Variants in RIC1 observed in about 807,000 individuals in gnomAD.
RIC1 encodes the protein RIC1 partner of RAB6A GEF complex.
A neutral mutation model predicts 169.0 loss-of-function variants in RIC1; 88 were observed. The observed-to-expected ratio is 0.52, with a 90% CI of 0.44 to 0.62. The LOEUF (loss-of-function observed/expected upper bound fraction) is 0.62, where lower values mean the gene tolerates loss of function less well. Ranked by LOEUF, RIC1 falls within the 20% of genes least tolerant of loss-of-function variation. RIC1 has a pLI of 0.00. For synonymous variants in RIC1, 790 were observed against 601.5 expected, an observed-to-expected ratio of 1.31 and a Z score of -4.59; for missense variants, 1,877 against 1,725.5, an observed-to-expected ratio of 1.09 and a Z score of -1.56.
chr9:5,705,365 C>T (rs780286958), intron 3 of RIC1, among the ~76,000 whole-genome samples: 49 of 152,066 alleles, frequency 3.2e-4, no homozygotes, highest in Non-Finnish European at 5.9e-4. Context: ...ACAACTCTTA[C>T]TCATCCTTGG....
chr9:5,748,985 C>G (rs1461989121), intron 12 of RIC1, among the ~76,000 whole-genome samples: 2 of 152,220 alleles, frequency 1.3e-5, no homozygotes, highest in South Asian at 2.1e-4. Flanking sequence ...AATAATGCCA[C>G]ATTGATTGTT....
Position 5,713,941 on chromosome 9 carries a change from G to T in RIC1, c.378G>T (p.Gln126His), listed in dbSNP as rs139097075. ...MKGTPHFKEE[Q>H]CAPALNLEMR... Reference sequence around the variant, plus strand: ...GGACACCCCATTTTAAGGAAGAACAGTGTGCTCCAGCATTAAATTTGGAGA... The same window carrying T: ...GGACACCCCATTTTAAGGAAGAACATTGTGCTCCAGCATTAAATTTGGAGA... The change falls in exon 4 of 26, where the codon CAG becomes CAT. Residue 126 changes from glutamine (Q) to histidine (H), a missense_variant. Around this residue, in one of 3 missense-constraint regions of RIC1, gnomAD observed 1,104 missense variants for 992.0 expected, o/e 1.11. Coordinates refer to ENST00000414202, the MANE Select transcript of RIC1 (RefSeq NM_020829.4). 1.2e-6 allele frequency: 2 copies of T among 1,613,212 alleles called. No homozygotes were observed. Among genetic ancestry groups the T allele is most frequent in the South Asian group, 2.2e-5 (2 of 91,044 alleles).
In RIC1 at chr9:5,689,044, C is replaced by CTTTTTT. The variant is rs34717277; in HGVS notation, c.253-898_253-893dup. 1.2e-3 allele frequency among the ~76,000 whole-genome samples: 122 copies of CTTTTTT among 99,012 alleles called. 1 individual carries two copies. The highest frequency in any genetic ancestry group is 2.0e-3 in the South Asian group (6 of 2,940). 65.0% of individuals were successfully genotyped at this position (99,012 alleles called of 152,430 possible). A position where few individuals can be genotyped will look rare whatever the true frequency, so the allele number is the denominator to read the frequency against. ...AATAGCACTGTTTTTAATACAATTTCTTTTTTTTTTTTTTTTTTTTTTGAG... is the reference window on the plus strand; with the variant it reads ...AATAGCACTGTTTTTAATACAATTTCTTTTTTTTTTTTTTTTTTTTTTTTTTTTGAG... On this transcript the variant is annotated intron_variant, in intron 2 of 25. Coordinates refer to ENST00000414202, the MANE Select transcript of RIC1 (RefSeq NM_020829.4).
In RIC1 at chr9:5,641,900, C is replaced by A. The variant is rs1212824648; in HGVS notation, c.144+12447C>A. On this transcript the variant is annotated intron_variant, in intron 1 of 25. Transcript: ENST00000414202. ...TGCCTGAAAGGTCACATATCTATCT[C>A]TGTTTTTCCAGGATTGGTCCCTGCC... Among the ~76,000 whole-genome samples, 71 of 144,370 alleles carry A rather than the reference C, an allele frequency of 4.9e-4. 3 individuals are homozygous for A. Among genetic ancestry groups the A allele is most frequent in the Admixed American group, 4.8e-3 (71 of 14,850 alleles). The allele number at this position is 144,370 out of a possible 152,430, so 94.7% of individuals were successfully genotyped here. A position where few individuals can be genotyped will look rare whatever the true frequency, so the allele number is the denominator to read the frequency against.
rs1377478918 is a variant in RIC1, at chr9:5,754,827, A to AT, written c.1603-9dup. The AT allele has an allele frequency of 2.0e-6, 3 of 1,521,064 alleles. No individual in the cohort carries two copies. The highest frequency in any genetic ancestry group is 2.3e-5 in the East Asian group (1 of 43,742). The allele number at this position is 1,521,064 out of a possible 1,614,324, so 94.2% of individuals were successfully genotyped here. ...TAGCATAAGGTAAATTTTTTAAAAA[A>AT]TTTTTATTTTAAGGAGCAAAATATG... On this transcript the variant is annotated splice_polypyrimidine_tract_variant and intron_variant, in intron 14 of 25. Transcript: ENST00000414202.
chr9:5,689,044 C>CTTTTTTTTTTT (rs34717277), intron 2 of RIC1, among the ~76,000 whole-genome samples: 1 of 99,056 alleles, frequency 1.0e-5, no homozygotes, highest in Non-Finnish European at 1.8e-5. Context: ...AATACAATTT[C>CTTTTTTTTTTT]TTTTTTTTTT....
intron 1 of RIC1, among the ~76,000 whole-genome samples, chr9:5,637,785 C>T (rs970358146): frequency 2.0e-5 from 3 of 152,250 alleles, no homozygotes; most frequent in African/African-American, 7.2e-5. Flanking sequence ...TTGTAAATGA[C>T]CGGATCTCAT....
At chr9:5,723,752 G>C (rs1248623835) in intron 6 of RIC1, among the ~76,000 whole-genome samples, 1 of 152,174 alleles carries the variant, frequency 6.6e-6, no homozygotes, top group Non-Finnish European at 1.5e-5. Flanking sequence ...GTAAGGAAAG[G>C]ATCCAGTTTC....
chr9:5,632,941 G>C (rs945654856), intron 1 of RIC1, among the ~76,000 whole-genome samples: 4 of 152,076 alleles, frequency 2.6e-5, no homozygotes, highest in African/African-American at 4.8e-5. Flanking sequence ...ATTTAAATTA[G>C]CTTCAGAAGT....
At chr9:5,762,698 G>A (rs1197065220) in intron 18 of RIC1, 38 bp downstream of exon 18, 1 of 1,600,246 alleles carries the variant, frequency 6.2e-7, no homozygotes, top group Non-Finnish European at 8.5e-7. Flanking sequence ...CAAACATTAA[G>A]AAGGTATGGG....
intron 14 of RIC1, among the ~76,000 whole-genome samples, chr9:5,754,499 C>T (rs528823218): frequency 2.0e-5 from 3 of 152,142 alleles, no homozygotes; most frequent in Non-Finnish European, 2.9e-5. Flanking sequence ...GAGGCCGAAG[C>T]AGGCGGATCA....
chr9:5,644,681 T>C (rs765401881), intron 1 of RIC1, among the ~76,000 whole-genome samples: 11 of 152,266 alleles, frequency 7.2e-5, no homozygotes, highest in Non-Finnish European at 1.5e-4. Context: ...TGAGTCATTG[T>C]GAATAATACT....
At chr9:5,769,330 G>C (rs1431456692) in intron 22 of RIC1, 74 bp downstream of exon 22, 2 of 1,613,714 alleles carry the variant, frequency 1.2e-6, no homozygotes, top group African/African-American at 2.7e-5. Context: ...TTTGCTATTA[G>C]TTGATATTCA....
intron 3 of RIC1, among the ~76,000 whole-genome samples, chr9:5,708,619 G>T (rs1003211767): frequency 6.6e-6 from 1 of 152,100 alleles, no homozygotes; most frequent in Non-Finnish European, 1.5e-5. Context: ...TTGGCTGTCA[G>T]TCTTACTTGG....
In RIC1 at chr9:5,713,972, A is replaced by G. The variant is rs1218604749; in HGVS notation, c.409A>G (p.Lys137Glu). 6.2e-7 allele frequency: 1 copy of G among 1,612,450 alleles called. No homozygotes were observed. Among genetic ancestry groups the G allele is most frequent in the African/African-American group, 1.3e-5 (1 of 74,896 alleles). Residue 137 changes from lysine to glutamate, a missense_variant, in exon 4 of 26, where the codon AAA becomes GAA. Transcript: ENST00000414202. Reference sequence around the variant, plus strand: ...TCCAGCATTAAATTTGGAGATGAGGAAAATACTGGATTTACAAGCACCCAT... The same window carrying G: ...TCCAGCATTAAATTTGGAGATGAGGGAAATACTGGATTTACAAGCACCCAT... ...CAPALNLEMR[K>E]ILDLQAPIMS...
At chr9:5,652,378 A>G (rs754262689) in intron 1 of RIC1, among the ~76,000 whole-genome samples, 39 of 151,980 alleles carry the variant, frequency 2.6e-4, no homozygotes, top group Non-Finnish European at 4.7e-4. Flanking sequence ...TGTTTTCTTC[A>G]TTTTATTACT....
chr9:5,701,112 C>G (rs1822189995), intron 3 of RIC1, among the ~76,000 whole-genome samples: 1 of 152,128 alleles, frequency 6.6e-6, no homozygotes, highest in African/African-American at 2.4e-5. Context: ...TGCAAGTAAA[C>G]AATAACTTGT....
chr9:5,714,272 A>G (rs1436676845), intron 4 of RIC1, among the ~76,000 whole-genome samples: 1 of 152,208 alleles, frequency 6.6e-6, no homozygotes, highest in Admixed American at 6.5e-5. Flanking sequence ...TGATTGAGTG[A>G]TAACAGTCCA....
rs775379063 is a variant in RIC1, at chr9:5,745,940, G to A, written c.1105G>A (p.Ala369Thr). The A allele has an allele frequency of 7.4e-6, 12 of 1,612,738 alleles. No homozygotes were observed. The highest frequency in any genetic ancestry group is 1.7e-5 in the Admixed American group (1 of 59,934). ...PLKINSMSWG[A>T]EGYHLWVISG... ...TCCTCTTCTCTCTAAGAGCTGGGGTGCAGAAGGCTATCACCTATGGGTAAT... is the reference window on the plus strand; with the variant it reads ...TCCTCTTCTCTCTAAGAGCTGGGGTACAGAAGGCTATCACCTATGGGTAAT... The change falls in exon 11 of 26, where the codon GCA (alanine) becomes ACA (threonine). Residue 369 changes from alanine to threonine, a missense_variant. Physicochemically the swap from Ala to Thr is moderately conservative, Grantham distance 58. Transcript: ENST00000414202.
Sources: gnomAD v4.1 joint callset for allele counts (sites outside exome capture counted in the v4.1 genomes callset) on GRCh38, gnomAD v4.1.1 for gene constraint, gnomAD v4.1.1 regional missense constraint, MANE v1.5 for transcripts, NCBI Gene and HGNC (gene_info 2026-07-23, HGNC 2026-07-21) for gene names.